ADAM32: variants seen among roughly 807,000 people sequenced by gnomAD.
The protein encoded by ADAM32 is disintegrin and metalloproteinase domain-containing protein 32.
Under a neutral mutation model 114.9 loss-of-function variants are expected in ADAM32, and 89 were observed. The observed-to-expected ratio is 0.77, with a 90% CI of 0.65 to 0.92. The LOEUF (loss-of-function observed/expected upper bound fraction) is 0.92, where lower values mean the gene tolerates loss of function less well. Ranked by LOEUF, ADAM32 falls within the 40% of genes least tolerant of loss-of-function variation. The probability of loss-of-function intolerance (pLI) is 0.00; values close to 1 mark genes in which losing one functional copy is unlikely to be tolerated. For synonymous variants in ADAM32, 285 were observed against 307.5 expected (o/e 0.93, Z 0.77); for missense variants, 870 against 932.8 (o/e 0.93, Z 0.88).
At chr8:39,277,524 G>T (rs1361210054) in intron 22 of ADAM32, among the ~76,000 whole-genome samples, 2 of 152,208 alleles carry the variant, frequency 1.3e-5, no homozygotes, top group Non-Finnish European at 2.9e-5. Context: ...CCCTTCAGGG[G>T]ACTCATGACA....
At chr8:39,167,270 A>G (rs188898490) in intron 9 of ADAM32, 14 of 152,288 alleles carry the variant, frequency 9.2e-5, no homozygotes, top group Admixed American at 5.9e-4. Flanking sequence ...TGGCTTGGGA[A>G]TTATCCCAGC....
intron 2 of ADAM32, among the ~76,000 whole-genome samples, chr8:39,125,688 A>G: frequency 6.6e-6 from 1 of 152,034 alleles, no homozygotes; most frequent in East Asian, 1.9e-4. Flanking sequence ...ATTAGATCCC[A>G]TTTGTTAATT....
At chr8:39,108,386 G>A (rs1197966350) in intron 1 of ADAM32, among the ~76,000 whole-genome samples, 1 of 152,184 alleles carries the variant, frequency 6.6e-6, no homozygotes, top group East Asian at 1.9e-4. Context: ...ACTCCAGATC[G>A]TAGTTCTCCA....
chr8:39,122,979 T>C (rs1801868932), intron 2 of ADAM32, among the ~76,000 whole-genome samples: 1 of 152,244 alleles, frequency 6.6e-6, no homozygotes, highest in Non-Finnish European at 1.5e-5. Context: ...TTTTCTTCTG[T>C]GTTTTCTACT....
intron 10 of ADAM32, among the ~76,000 whole-genome samples, chr8:39,179,337 C>T (rs1805709038): frequency 1.3e-5 from 2 of 152,174 alleles, no homozygotes; most frequent in African/African-American, 2.4e-5. Context: ...CTGGCTGGCT[C>T]GAATTCCAAG....
At chr8:39,247,792 T>TC (rs985530515) in intron 17 of ADAM32, among the ~76,000 whole-genome samples, 7 of 150,566 alleles carry the variant, frequency 4.6e-5, no homozygotes, top group African/African-American at 1.7e-4. Context: ...TTTTTTTTTT[T>TC]CTGAGTTATC....
At chr8:39,261,528 T>A (rs1170083760) in intron 19 of ADAM32, among the ~76,000 whole-genome samples, 1 of 152,248 alleles carries the variant, frequency 6.6e-6, no homozygotes, top group Non-Finnish European at 1.5e-5. Flanking sequence ...GCAGTGCAAA[T>A]GTCTCTTCGA....
intron 4 of ADAM32, among the ~76,000 whole-genome samples, chr8:39,149,126 G>T (rs1803673687): frequency 6.6e-6 from 1 of 152,142 alleles, no homozygotes; most frequent in African/African-American, 2.4e-5. Context: ...TGATCTATCA[G>T]TCACTAAGAG....
intron 10 of ADAM32, among the ~76,000 whole-genome samples, chr8:39,172,908 G>A (rs1238405433): frequency 2.0e-5 from 3 of 152,180 alleles, no homozygotes; most frequent in African/African-American, 7.2e-5. Context: ...GGTCTTTGAG[G>A]AATTGCCACA....
chr8:39,234,647 A>G (rs1270186877), intron 16 of ADAM32, among the ~76,000 whole-genome samples: 1 of 152,248 alleles, frequency 6.6e-6, no homozygotes, highest in East Asian at 1.9e-4. Context: ...GAACATAGTA[A>G]TAACTAAATA....
intron 11 of ADAM32, among the ~76,000 whole-genome samples, chr8:39,204,757 T>C (rs770483493): frequency 2.0e-5 from 3 of 152,190 alleles, no homozygotes; most frequent in Non-Finnish European, 4.4e-5. Context: ...ATCTTTGTGG[T>C]TTTGTCTACC....
chr8:39,194,638 G>A (rs993086522), intron 11 of ADAM32, among the ~76,000 whole-genome samples: 2 of 152,126 alleles, frequency 1.3e-5, no homozygotes, highest in Non-Finnish European at 2.9e-5. Context: ...TCCCTAGGAG[G>A]TATCCTCCCT....
At chr8:39,259,336 A>G (rs1034284244) in intron 19 of ADAM32, among the ~76,000 whole-genome samples, 3 of 151,936 alleles carry the variant, frequency 2.0e-5, no homozygotes, top group Non-Finnish European at 2.9e-5. Flanking sequence ...AGAAGCTGGT[A>G]TTACAGGCGT....
chr8:39,126,402 A>G (rs1213962284), intron 2 of ADAM32, among the ~76,000 whole-genome samples: 3 of 152,086 alleles, frequency 2.0e-5, no homozygotes, highest in Non-Finnish European at 4.4e-5. Flanking sequence ...TTCCCTCGTT[A>G]GCTGCATTCC....
chr8:39,141,040 C>T (rs977859725), intron 3 of ADAM32, among the ~76,000 whole-genome samples: 4 of 151,880 alleles, frequency 2.6e-5, no homozygotes, highest in Non-Finnish European at 5.9e-5. Flanking sequence ...GGTGATATCC[C>T]CTTTATCATT....
In ADAM32 at chr8:39,233,913, G is replaced by C; in HGVS notation, c.1649G>C (p.Gly550Ala). ...VFCGWRNLIC[G>A]RLVCTYPTRK... ...TATGTTTTCAGGAATCTTATATGTG[G>C]AAGATTAGTTTGTACCTACCCTACT... The change falls in exon 16 of 25, where the codon GGA (glycine) becomes GCA (alanine). Residue 550 changes from glycine to alanine, a missense_variant. Physicochemically the swap from Gly to Ala is moderately conservative, Grantham distance 60. Coordinates refer to ENST00000379907, the MANE Select transcript of ADAM32 (RefSeq NM_145004.7). 1 of 1,533,114 alleles carries C rather than the reference G, an allele frequency of 6.5e-7. No individual in the cohort carries two copies. The highest frequency in any genetic ancestry group is 8.8e-7 in the Non-Finnish European group (1 of 1,141,072). The allele number at this position is 1,533,114 out of a possible 1,614,324, so 95.0% of individuals were successfully genotyped here. A position where few individuals can be genotyped will look rare whatever the true frequency, so the allele number is the denominator to read the frequency against.
chr8:39,197,647 T>G (rs1209419058), intron 11 of ADAM32, among the ~76,000 whole-genome samples: 1 of 152,202 alleles, frequency 6.6e-6, no homozygotes, highest in Non-Finnish European at 1.5e-5. Flanking sequence ...TATTATTGAT[T>G]TTTACTTTTA....
At chr8:39,270,825 G>T (rs1187614068) in intron 19 of ADAM32, 51 bp from the exon 20 acceptor site, 6 of 1,446,946 alleles carry the variant, frequency 4.1e-6, no homozygotes, top group Non-Finnish European at 5.8e-6. Flanking sequence ...AATTCATGAA[G>T]TTGGCAAGTT....
At chr8:39,154,605 G>C (rs903263201) in intron 6 of ADAM32, among the ~76,000 whole-genome samples, 15 of 152,160 alleles carry the variant, frequency 9.9e-5, no homozygotes, top group African/African-American at 3.1e-4. Flanking sequence ...GATCCTTGAG[G>C]AATTGCCACA....
Sources: allele counts gnomAD v4.1 joint callset (sites outside exome capture counted in the v4.1 genomes callset), GRCh38; gene constraint gnomAD v4.1.1; transcripts MANE v1.5; gene names NCBI Gene and HGNC (gene_info 2026-07-23, HGNC 2026-07-21).